RBMS3: variants seen among roughly 807,000 people sequenced by gnomAD.
RBMS3 encodes RNA-binding motif, single-stranded-interacting protein 3.
In RBMS3, 27 loss-of-function variants were observed where a neutral mutation model predicts 66.8. The ratio of observed to expected loss-of-function variants is 0.40; its 90% CI spans 0.30 to 0.56. The LOEUF is 0.56. Ranked by LOEUF, RBMS3 falls within the 20% of genes least tolerant of loss-of-function variation. The pLI, the probability that RBMS3 is intolerant of heterozygous loss-of-function variation, is 0.40. For synonymous variants in RBMS3, 188 were observed against 183.0 expected, an observed-to-expected ratio of 1.03 and a Z score of -0.22; for missense variants, 513 against 549.5, an observed-to-expected ratio of 0.93 and a Z score of 0.66.
At chr3:29,496,295 C>CT (rs1019287389) in intron 3 of RBMS3, among the ~76,000 whole-genome samples, 1 of 151,638 alleles carries the variant, frequency 6.6e-6, no homozygotes, top group African/African-American at 2.4e-5. Flanking sequence ...TTTCCCTAGC[C>CT]TTTTTTTGTG....
intron 6 of RBMS3, among the ~76,000 whole-genome samples, chr3:29,767,956 G>T (rs940331869): frequency 6.6e-6 from 1 of 151,846 alleles, no homozygotes; most frequent in Non-Finnish European, 1.5e-5. Context: ...AAAATGCTAT[G>T]GTATATAGTT....
chr3:29,670,931 G>A (rs2050972818), intron 4 of RBMS3, among the ~76,000 whole-genome samples: 1 of 152,228 alleles, frequency 6.6e-6, no homozygotes, highest in South Asian at 2.1e-4. Context: ...TTTGAGATCT[G>A]AGAATGGACA....
At chr3:29,536,872 G>A (rs2045575107) in intron 3 of RBMS3, among the ~76,000 whole-genome samples, 1 of 152,168 alleles carries the variant, frequency 6.6e-6, no homozygotes, top group African/African-American at 2.4e-5. Flanking sequence ...ATGAGAATTA[G>A]GCTGGACCTA....
intron 1 of RBMS3, among the ~76,000 whole-genome samples, chr3:29,282,670 T>G (rs956645926): frequency 6.6e-6 from 1 of 152,054 alleles, no homozygotes; most frequent in Non-Finnish European, 1.5e-5. Context: ...AGTGACCACC[T>G]CGAGTGTACG....
At chr3:29,605,549 A>C (rs1256354314) in intron 4 of RBMS3, among the ~76,000 whole-genome samples, 1 of 151,918 alleles carries the variant, frequency 6.6e-6, no homozygotes, top group Non-Finnish European at 1.5e-5. Flanking sequence ...AAAAGAAATG[A>C]GGTTGAGAGT....
intron 6 of RBMS3, among the ~76,000 whole-genome samples, chr3:29,800,890 G>T (rs887079975): frequency 6.6e-6 from 1 of 151,618 alleles, no homozygotes; most frequent in African/African-American, 2.4e-5. Context: ...TGACCCTTTT[G>T]TCAGGAGAAA....
At chr3:29,343,170 C>G (rs183265968) in intron 1 of RBMS3, among the ~76,000 whole-genome samples, 1 of 151,990 alleles carries the variant, frequency 6.6e-6, no homozygotes, top group Non-Finnish European at 1.5e-5. Flanking sequence ...AGCTTCCATG[C>G]GTACACAGAG....
At chr3:29,909,165 T>G (rs1217135052) in intron 10 of RBMS3, among the ~76,000 whole-genome samples, 1 of 152,154 alleles carries the variant, frequency 6.6e-6, no homozygotes, top group Non-Finnish European at 1.5e-5. Context: ...AATATTTGGT[T>G]GGAAAGTTAA....
At chr3:29,707,793 A>C (rs926848554) in intron 4 of RBMS3, among the ~76,000 whole-genome samples, 1 of 152,256 alleles carries the variant, frequency 6.6e-6, no homozygotes, top group African/African-American at 2.4e-5. Flanking sequence ...TGGAAAGACT[A>C]TCAAGTGCCA....
chr3:29,367,800 A>G (rs1369630835), intron 1 of RBMS3, among the ~76,000 whole-genome samples: 8 of 152,222 alleles, frequency 5.3e-5, no homozygotes, highest in African/African-American at 1.7e-4. Flanking sequence ...AGTTAGAAAA[A>G]TAAGACAGTA....
chr3:29,593,800 C>A (rs9835490), intron 4 of RBMS3, among the ~76,000 whole-genome samples: 1 of 152,106 alleles, frequency 6.6e-6, no homozygotes, highest in Non-Finnish European at 1.5e-5. Flanking sequence ...ACAGACATAG[C>A]ACTGAGCCAA....
chr3:29,702,106 A>G (rs1408708772), intron 4 of RBMS3, among the ~76,000 whole-genome samples: 2 of 152,196 alleles, frequency 1.3e-5, no homozygotes, highest in South Asian at 4.1e-4. Flanking sequence ...CACACCAATC[A>G]GCACCCTGTG....
Position 29,936,173 on chromosome 3 carries a change from C to A in RBMS3, c.1027C>A (p.Leu343Ile). The A allele has an allele frequency of 1.2e-6, 2 of 1,613,110 alleles. No homozygotes were observed. The highest frequency in any genetic ancestry group is 1.7e-6 in the Non-Finnish European group (2 of 1,179,450). Residue 343 changes from leucine (L) to isoleucine (I), a missense_variant, in exon 11 of 15, where the codon CTT becomes ATT. Transcript: ENST00000383767. ...MGPLTQQMNH[L>I]SLGTTGTIQS... ...CCCACTGACACAGCAGATGAATCACCTTTCGTTGGGCACAACAGGAACGGT... is the reference window on the plus strand; with the variant it reads ...CCCACTGACACAGCAGATGAATCACATTTCGTTGGGCACAACAGGAACGGT...
intron 14 of RBMS3, among the ~76,000 whole-genome samples, chr3:29,996,130 A>G (rs1236544347): frequency 2.7e-5 from 4 of 150,386 alleles, no homozygotes; most frequent in African/African-American, 9.7e-5. Context: ...AGTCTCTGAT[A>G]AAACAGACTT....
At chr3:29,550,277 G>T (rs1012801995) in intron 3 of RBMS3, among the ~76,000 whole-genome samples, 1 of 152,122 alleles carries the variant, frequency 6.6e-6, no homozygotes, top group African/African-American at 2.4e-5. Context: ...AAGTCACACC[G>T]TGAAGTTCTT....
intron 10 of RBMS3, among the ~76,000 whole-genome samples, chr3:29,929,056 A>T (rs913965869): frequency 2.6e-5 from 4 of 152,202 alleles, no homozygotes; most frequent in Non-Finnish European, 5.9e-5. Flanking sequence ...GAAAAATAAG[A>T]GGAAAAAATA....
intron 3 of RBMS3, among the ~76,000 whole-genome samples, chr3:29,551,829 T>C (rs1171759765): frequency 1.3e-5 from 2 of 152,222 alleles, no homozygotes; most frequent in African/African-American, 4.8e-5. Flanking sequence ...CCTTATAAGA[T>C]GTACATGTCA....
chr3:29,439,297 T>C (rs1215781770), intron 2 of RBMS3, among the ~76,000 whole-genome samples: 2 of 152,184 alleles, frequency 1.3e-5, no homozygotes, highest in Non-Finnish European at 2.9e-5. Context: ...TATTTTTGTT[T>C]CAAATAGGTA....
At chr3:29,588,395 T>G (rs750770143) in intron 4 of RBMS3, among the ~76,000 whole-genome samples, 10 of 152,074 alleles carry the variant, frequency 6.6e-5, no homozygotes, top group Non-Finnish European at 1.3e-4. Flanking sequence ...AATGATAAGG[T>G]AGTCAGATTT....
Sources: gnomAD v4.1 joint callset for allele counts (sites outside exome capture counted in the v4.1 genomes callset) on GRCh38, gnomAD v4.1.1 for gene constraint, MANE v1.5 for transcripts, NCBI Gene and HGNC (gene_info 2026-07-23, HGNC 2026-07-21) for gene names.